CPT1A: variants seen among roughly 807,000 people sequenced by gnomAD.
CPT1A encodes the protein carnitine O-palmitoyltransferase 1, liver isoform.
CPT1A carries 64 observed loss-of-function variants against 100.8 expected under a neutral mutation model. The observed-to-expected ratio is 0.63, with a 90% confidence interval of 0.52 to 0.78. The LOEUF is 0.78. CPT1A is among the 30% of genes least tolerant of loss of function. The pLI is 0.00. For missense variants in CPT1A, 802 were observed against 1,034.1 expected (o/e 0.78, Z 3.08); for synonymous variants, 363 against 396.0 (o/e 0.92, Z 0.99).
chr11:68,807,198 T>C lies in CPT1A; in HGVS notation c.453+269A>G, dbSNP rs146657232. 9.4e-4 allele frequency among the ~76,000 whole-genome samples: 143 copies of C among 152,202 alleles called. 2 individuals carry two copies. The highest frequency in any genetic ancestry group is 7.3e-3 in the East Asian group (38 of 5,176). On this transcript the variant is annotated intron_variant, in intron 4 of 18. Transcript: ENST00000265641. ...CAAAGAACCGGATGGACAGCACTTT[T>C]ATTTGATGAATGACCTGAACTACAA... is the stretch of plus-strand genomic sequence containing the variant.
intron 6 of CPT1A, among the ~76,000 whole-genome samples, chr11:68,797,810 T>C (rs1485685344): frequency 1.3e-5 from 2 of 152,148 alleles, no homozygotes; most frequent in African/African-American, 2.4e-5. Flanking sequence ...AAACCCCGTC[T>C]GTACTAAAAA....
intron 1 of CPT1A, among the ~76,000 whole-genome samples, chr11:68,817,388 A>G (rs1024571847): frequency 2.0e-5 from 3 of 152,148 alleles, no homozygotes; most frequent in Non-Finnish European, 4.4e-5. Flanking sequence ...ACATCTGTCC[A>G]TATTACAAAT....
chr11:68,832,616 G>A (rs1856907321), intron 1 of CPT1A, among the ~76,000 whole-genome samples: 1 of 152,230 alleles, frequency 6.6e-6, no homozygotes, highest in South Asian at 2.1e-4. Flanking sequence ...TAACCAAAAT[G>A]ATGAGATTGC....
intron 3 of CPT1A, among the ~76,000 whole-genome samples, chr11:68,810,229 C>T (rs1292581759): frequency 2.6e-5 from 4 of 152,100 alleles, no homozygotes; most frequent in Admixed American, 6.5e-5. Flanking sequence ...ATGAAAAGTA[C>T]GTAGGAACAG....
intron 1 of CPT1A, among the ~76,000 whole-genome samples, chr11:68,838,627 G>A (rs1365545500): frequency 2.2e-5 from 3 of 136,390 alleles, no homozygotes; most frequent in Non-Finnish European, 4.6e-5. Flanking sequence ...AGGCTGGAGC[G>A]CAGTGGTGCA....
rs1421505387 is a variant in CPT1A, at chr11:68,757,397, TG to T, written c.*246del. The T allele has an allele frequency of 1.3e-5, 18 of 1,384,358 alleles. No homozygotes were observed. The East Asian group carries it at 4.5e-4, about 35-fold the overall frequency. The allele number at this position is 1,384,358 out of a possible 1,614,324, so 85.8% of individuals were successfully genotyped here. A position where few individuals can be genotyped will look rare whatever the true frequency, so the allele number is the denominator to read the frequency against. ...GCATCCCTTAATAAATCCAAGCCGA[TG>T]CGGAGACATCAGGGGAGACTTTATC... On this transcript the variant is annotated 3_prime_UTR_variant, in exon 19 of 19. Coordinates refer to ENST00000265641, the MANE Select transcript of CPT1A (RefSeq NM_001876.4).
chr11:68,790,114 T>C (rs1855573445), intron 9 of CPT1A, among the ~76,000 whole-genome samples: 1 of 151,966 alleles, frequency 6.6e-6, no homozygotes, highest in Non-Finnish European at 1.5e-5. Flanking sequence ...TCACCCAGGC[T>C]AAGTGCAGTG....
At chr11:68,826,866 T>C (rs1856747040) in intron 1 of CPT1A, among the ~76,000 whole-genome samples, 2 of 152,122 alleles carry the variant, frequency 1.3e-5, no homozygotes, top group African/African-American at 4.8e-5. Flanking sequence ...GGACTGGGAC[T>C]ACAGGTGGCT....
At chr11:68,793,867 A>C (rs3019599) in intron 8 of CPT1A, among the ~76,000 whole-genome samples, 152,330 of 152,344 alleles carry the variant, frequency 1, 76,158 homozygotes, top group Middle Eastern at 1. Context: ...CCAGTGGCTC[A>C]CTGGAATGAT....
At chr11:68,765,802 C>T (rs750869319) in intron 14 of CPT1A, among the ~76,000 whole-genome samples, 2 of 152,036 alleles carry the variant, frequency 1.3e-5, no homozygotes, top group Admixed American at 1.3e-4. Context: ...AATTCTATCA[C>T]ATCAAGTCAG....
chr11:68,789,884 A>G (rs1398865813), intron 9 of CPT1A, among the ~76,000 whole-genome samples: 2 of 152,176 alleles, frequency 1.3e-5, no homozygotes, highest in African/African-American at 4.8e-5. Context: ...CTTACCCTCA[A>G]TTTGTTATCT....
At chr11:68,824,891 C>G (rs993339353) in intron 1 of CPT1A, among the ~76,000 whole-genome samples, 1 of 149,298 alleles carries the variant, frequency 6.7e-6, no homozygotes, top group Non-Finnish European at 1.5e-5. Flanking sequence ...CTTTGCCTCC[C>G]GGGTTCAAGC....
At chr11:68,812,616 C>T in intron 2 of CPT1A, 40 bp from the exon 3 acceptor site, 1 of 1,613,004 alleles carries the variant, frequency 6.2e-7, no homozygotes, top group Non-Finnish European at 8.5e-7. Flanking sequence ...TGTCCTCCCA[C>T]AACCCACAGG....
intron 7 of CPT1A, among the ~76,000 whole-genome samples, chr11:68,795,392 C>G (rs1277162310): frequency 1.3e-5 from 2 of 152,202 alleles, no homozygotes; most frequent in Non-Finnish European, 2.9e-5. Context: ...AGTCTATGTA[C>G]ACACCATGTC....
At chr11:68,766,019 G>C (rs997424073) in intron 14 of CPT1A, among the ~76,000 whole-genome samples, 1 of 152,012 alleles carries the variant, frequency 6.6e-6, no homozygotes, top group East Asian at 1.9e-4. Flanking sequence ...TTAGAGATGC[G>C]TGCTGCCATA....
intron 10 of CPT1A, among the ~76,000 whole-genome samples, chr11:68,782,752 G>A (rs2153998039): frequency 1.3e-5 from 2 of 152,314 alleles, no homozygotes; most frequent in East Asian, 3.9e-4. Flanking sequence ...CTCTAGGAGT[G>A]CTTGGCTATG....
intron 3 of CPT1A, among the ~76,000 whole-genome samples, chr11:68,809,926 C>T (rs1390610145): frequency 6.6e-6 from 1 of 152,122 alleles, no homozygotes; most frequent in Non-Finnish European, 1.5e-5. Flanking sequence ...GCCTGTAATC[C>T]CAGCACTTTG....
In CPT1A at chr11:68,791,389, G is replaced by A. The variant is rs924768940; in HGVS notation, c.967+1926C>T. 1.2e-4 allele frequency among the ~76,000 whole-genome samples: 19 copies of A among 152,252 alleles called. No individual in the cohort carries two copies. The East Asian group carries it at 2.9e-3, about 23-fold the overall frequency. On this transcript the variant is annotated intron_variant, in intron 9 of 18. Transcript: ENST00000265641. Reference sequence around the variant, plus strand: ...AACCAACTTCACTTTCCTCCACCTCGTTGCCCAACTGCCCCAGGACTGCTG... The same window carrying A: ...AACCAACTTCACTTTCCTCCACCTCATTGCCCAACTGCCCCAGGACTGCTG...
intron 1 of CPT1A, among the ~76,000 whole-genome samples, chr11:68,826,655 G>A (rs1180655248): frequency 6.8e-6 from 1 of 146,616 alleles, no homozygotes; most frequent in African/African-American, 2.5e-5. Flanking sequence ...GGAGAATGGC[G>A]TGAACCCGGG....
Sources: gnomAD v4.1 joint callset for allele counts (sites outside exome capture counted in the v4.1 genomes callset) on GRCh38, gnomAD v4.1.1 for gene constraint, MANE v1.5 for transcripts, NCBI Gene and HGNC (gene_info 2026-07-23, HGNC 2026-07-21) for gene names.